CPED1: variants seen among roughly 807,000 people sequenced by gnomAD.
CPED1 encodes cadherin like and PC-esterase domain containing 1, also known as cadherin-like and PC-esterase domain-containing protein 1.
CPED1 carries 114 observed loss-of-function variants against 128.2 expected under a neutral mutation model. The ratio of observed to expected loss-of-function variants is 0.89; its 90% CI spans 0.76 to 1.04. CPED1 has a LOEUF of 1.04. Among genes scored for constraint, CPED1 ranks in the 50% least tolerant of loss-of-function variants. CPED1 has a pLI of 0.00. For missense variants in CPED1, 1,211 were observed against 1,207.1 expected (o/e 1.00, Z -0.05); for synonymous variants, 462 against 426.7 (o/e 1.08, Z -1.02).
At chr7:121,286,706 A>C (rs78562306) in intron 22 of CPED1, among the ~76,000 whole-genome samples, 16,916 of 152,272 alleles carry the variant, frequency 0.11, 1,217 homozygotes, top group South Asian at 0.23. Context: ...ACTGGATGAC[A>C]TGAGTCCCCA....
intron 16 of CPED1, among the ~76,000 whole-genome samples, chr7:121,234,487 C>A (rs1433370568): frequency 6.6e-6 from 1 of 151,984 alleles, no homozygotes; most frequent in African/African-American, 2.4e-5. Flanking sequence ...AAAGTAACGT[C>A]TAACATGGTA....
Position 121,104,961 on chromosome 7 carries a change from G to A in CPED1, c.918+4867G>A, listed in dbSNP as rs555881198. On this transcript the variant is annotated intron_variant, in intron 7 of 22. Coordinates refer to ENST00000310396, the MANE Select transcript of CPED1 (RefSeq NM_024913.5). ...TCATAATCTGAATTTCTGGATAAGGGCCACTTTGATAGAGATAGGGAAATC... is the reference window on the plus strand; with the variant it reads ...TCATAATCTGAATTTCTGGATAAGGACCACTTTGATAGAGATAGGGAAATC... Among the ~76,000 whole-genome samples, 9 of 152,074 alleles carry A rather than the reference G, an allele frequency of 5.9e-5. No individual in the cohort carries two copies. In the South Asian group the frequency reaches 1.5e-3, roughly 25 times the overall value.
intron 7 of CPED1, among the ~76,000 whole-genome samples, chr7:121,112,945 AAAC>A (rs1162281064): frequency 6.6e-6 from 1 of 152,200 alleles, no homozygotes; most frequent in East Asian, 1.9e-4. Context: ...GGGCAAGGGA[AAAC>A]AAGAGAAGTG....
chr7:121,075,965 C>T (rs902485383), intron 5 of CPED1, among the ~76,000 whole-genome samples: 1 of 152,080 alleles, frequency 6.6e-6, no homozygotes, highest in African/African-American at 2.4e-5. Flanking sequence ...CCATGTTGTT[C>T]AAGAGTCAGC....
At chr7:121,268,648 A>G (rs774545067) in intron 21 of CPED1, among the ~76,000 whole-genome samples, 2 of 41,300 alleles carry the variant, frequency 4.8e-5, no homozygotes, top group African/African-American at 7.7e-4. Flanking sequence ...AAGTGTGTGC[A>G]CACACACACA....
intron 4 of CPED1, among the ~76,000 whole-genome samples, chr7:121,055,798 A>T (rs1793482835): frequency 6.6e-6 from 1 of 151,918 alleles, no homozygotes; most frequent in Non-Finnish European, 1.5e-5. Flanking sequence ...ATGTTTTGGA[A>T]ACTGTTAGAA....
intron 16 of CPED1, among the ~76,000 whole-genome samples, chr7:121,233,440 T>C (rs1481077592): frequency 6.6e-6 from 1 of 152,062 alleles, no homozygotes; most frequent in Non-Finnish European, 1.5e-5. Context: ...TCCCAGCTAC[T>C]TGGGAAACTG....
At chr7:121,256,123 AC>A (rs1232686964) in intron 18 of CPED1, among the ~76,000 whole-genome samples, 15,482 of 59,180 alleles carry the variant, frequency 0.26, 1,643 homozygotes, top group Non-Finnish European at 0.41. Flanking sequence ...AAAAAAAAAA[AC>A]AAAACAAAAA....
intron 5 of CPED1, among the ~76,000 whole-genome samples, chr7:121,074,143 A>G (rs1487458116): frequency 6.6e-6 from 1 of 152,050 alleles, no homozygotes; most frequent in Non-Finnish European, 1.5e-5. Flanking sequence ...GTTTGAGGGC[A>G]AGTAGACCAC....
At chr7:120,995,899 C>T (rs150512751) in intron 2 of CPED1, among the ~76,000 whole-genome samples, 11 of 107,132 alleles carry the variant, frequency 1.0e-4, no homozygotes, top group Non-Finnish European at 1.8e-4. Context: ...CTTCTTCTTC[C>T]TCTTCTTCTT....
chr7:121,271,335 A>C lies in CPED1; in HGVS notation c.2773A>C (p.Lys925Gln). Reference sequence around the variant, plus strand: ...AAATTTGATTATTCTGGATACTGCAAAAAAACATGGCTATGAAGTAGTTGA... The same window carrying C: ...AAATTTGATTATTCTGGATACTGCACAAAAACATGGCTATGAAGTAGTTGA... ...KENLIILDTA[K>Q]KHGYEVVDTF... The change falls in exon 22 of 23, where the codon AAA becomes CAA. Residue 925 changes from lysine to glutamine, a missense_variant. By Grantham distance (53) the Lys-to-Gln change is moderately conservative. Coordinates refer to ENST00000310396, the MANE Select transcript of CPED1 (RefSeq NM_024913.5). 3.1e-6 allele frequency: 5 copies of C among 1,612,716 alleles called. No individual in the cohort carries two copies. The highest frequency in any genetic ancestry group is 4.2e-6 in the Non-Finnish European group (5 of 1,179,056).
At chr7:121,142,479 T>C (rs1795929323) in intron 16 of CPED1, among the ~76,000 whole-genome samples, 1 of 152,052 alleles carries the variant, frequency 6.6e-6, no homozygotes, top group African/African-American at 2.4e-5. Context: ...TGTCCCTGGA[T>C]CTACTTTTGA....
chr7:121,090,897 C>G (rs1042991005), intron 5 of CPED1, among the ~76,000 whole-genome samples: 2 of 151,748 alleles, frequency 1.3e-5, no homozygotes, highest in Non-Finnish European at 2.9e-5. Flanking sequence ...TGTAGTGAGC[C>G]GAGATCCTGC....
At chr7:121,228,704 A>T (rs547914270) in intron 16 of CPED1, among the ~76,000 whole-genome samples, 1 of 152,176 alleles carries the variant, frequency 6.6e-6, no homozygotes, top group East Asian at 1.9e-4. Flanking sequence ...CATATGTTGC[A>T]GCACTATTCA....
rs763970777 is a variant in CPED1, at chr7:121,133,820, C to G, written c.1578-3C>G. On this transcript the variant is annotated splice_region_variant and splice_polypyrimidine_tract_variant and intron_variant, in intron 12 of 22. Transcript: ENST00000310396. ...CCAGAGTTGTTTGGCATTGCATTTGCAGGAATTCTTTCACAGAAGATAAGA... is the reference window on the plus strand; with the variant it reads ...CCAGAGTTGTTTGGCATTGCATTTGGAGGAATTCTTTCACAGAAGATAAGA... The G allele has an allele frequency of 6.3e-7, 1 of 1,590,992 alleles. No homozygotes were observed. Among genetic ancestry groups the G allele is most frequent in the East Asian group, 2.3e-5 (1 of 44,372 alleles).
intron 2 of CPED1, among the ~76,000 whole-genome samples, chr7:121,006,466 T>C (rs2215789): frequency 0.79 from 119,337 of 151,730 alleles, 47,184 homozygotes; most frequent in East Asian, 0.92. Context: ...TTAAGTGCTA[T>C]GTGAGTGTCT....
intron 2 of CPED1, among the ~76,000 whole-genome samples, chr7:120,997,927 A>AAAAATAAAATAAAAT (rs139357762): frequency 1.8e-4 from 24 of 130,842 alleles, no homozygotes; most frequent in African/African-American, 2.7e-4. Flanking sequence ...GGTCTCGAAA[A>AAAAATAAAATAAAAT]AAAATAAAAT....
chr7:121,223,907 C>G (rs1435318156), intron 16 of CPED1, among the ~76,000 whole-genome samples: 1 of 151,716 alleles, frequency 6.6e-6, no homozygotes, highest in Middle Eastern at 3.2e-3. Flanking sequence ...TTGAAAAAAA[C>G]AGCTTCTGGA....
intron 16 of CPED1, among the ~76,000 whole-genome samples, chr7:121,176,502 C>A (rs1177199010): frequency 6.6e-6 from 1 of 151,428 alleles, no homozygotes; most frequent in African/African-American, 2.4e-5. Context: ...TTACTAAATA[C>A]ATATAAGCCA....
Sources: allele counts gnomAD v4.1 joint callset (sites outside exome capture counted in the v4.1 genomes callset), GRCh38; gene constraint gnomAD v4.1.1; transcripts MANE v1.5; gene names NCBI Gene and HGNC (gene_info 2026-07-23, HGNC 2026-07-21).